AOAH: variants seen among roughly 807,000 people sequenced by gnomAD.
AOAH encodes the protein acyloxyacyl hydrolase.
In AOAH, 64 loss-of-function variants were observed where a neutral mutation model predicts 92.2. The ratio of observed to expected loss-of-function variants is 0.69; its 90% CI spans 0.57 to 0.86. The LOEUF is 0.86. AOAH is among the 40% of genes least tolerant of loss of function. AOAH has a pLI of 0.00. For missense variants in AOAH, 656 were observed against 694.6 expected (o/e 0.94, Z 0.62); for synonymous variants, 263 against 254.5 (o/e 1.03, Z -0.32).
At chr7:36,601,708 A>G (rs1188868171) in intron 11 of AOAH, among the ~76,000 whole-genome samples, 1 of 152,228 alleles carries the variant, frequency 6.6e-6, no homozygotes, top group Non-Finnish European at 1.5e-5. Context: ...CTGTGTCAGC[A>G]CATAGAAGGG....
At chr7:36,626,676 C>T (rs185470057) in intron 6 of AOAH, among the ~76,000 whole-genome samples, 81 of 152,234 alleles carry the variant, frequency 5.3e-4, no homozygotes, top group Non-Finnish European at 9.0e-4. Context: ...CAAGAGGTGC[C>T]AGGGATAGCA....
intron 13 of AOAH, among the ~76,000 whole-genome samples, chr7:36,564,281 A>C (rs1015422901): frequency 1.3e-5 from 2 of 152,208 alleles, no homozygotes; most frequent in Admixed American, 1.3e-4. Context: ...TCTTATGTCC[A>C]GAGGCCTCAA....
At chr7:36,530,791 A>G (rs1055277629) in intron 18 of AOAH, 2 of 302,860 alleles carry the variant, frequency 6.6e-6, no homozygotes, top group African/African-American at 4.3e-5. Context: ...GATAACCATG[A>G]TATTGAATGT....
intron 13 of AOAH, among the ~76,000 whole-genome samples, chr7:36,562,815 A>T (rs543676366): frequency 1.3e-5 from 2 of 152,228 alleles, no homozygotes; most frequent in Non-Finnish European, 2.9e-5. Context: ...CTTCCTAAAA[A>T]TTCACTCATG....
At chr7:36,627,533 A>T (rs933830789) in intron 6 of AOAH, among the ~76,000 whole-genome samples, 1 of 149,190 alleles carries the variant, frequency 6.7e-6, no homozygotes, top group African/African-American at 2.5e-5. Flanking sequence ...TTTCTTAGAC[A>T]TGGAAAGCAC....
In AOAH at chr7:36,513,254, A is replaced by C; in HGVS notation, c.1726T>G (p.Ter576GlyextTer18). 6.2e-7 allele frequency: 1 copy of C among 1,614,174 alleles called. No individual in the cohort carries two copies. The highest frequency in any genetic ancestry group is 8.5e-7 in the Non-Finnish European group (1 of 1,180,020). Residue 576 changes from the stop codon to glycine (G), a stop_lost, in exon 21 of 21, where the codon TGA (stop) becomes GGA (glycine). Coordinates refer to ENST00000617537, the MANE Select transcript of AOAH (RefSeq NM_001637.4). ...KQVFGDQGGH* is the reference protein window; with the variant it reads ...KQVFGDQGGHG ...AGGGGTGCATGCTCCTGAGAGGCTC[A>C]GTGCCCGCCTTGGTCTCCAAACACC...
rs186610289 is a variant in AOAH, at chr7:36,698,280, C to T, written c.128-11486G>A. On this transcript the variant is annotated intron_variant, in intron 1 of 20. Coordinates refer to ENST00000617537, the MANE Select transcript of AOAH (RefSeq NM_001637.4). ...TTCCTTTGGGTCTACAGTGATGTCCCGTCTTGTTTTATTCTTGATTTTGAT... is the reference window on the plus strand; with the variant it reads ...TTCCTTTGGGTCTACAGTGATGTCCTGTCTTGTTTTATTCTTGATTTTGAT... 3.9e-4 allele frequency among the ~76,000 whole-genome samples: 59 copies of T among 152,148 alleles called. 1 individual carries two copies. In the East Asian group the frequency reaches 0.011, roughly 28 times the overall value.
intron 5 of AOAH, among the ~76,000 whole-genome samples, chr7:36,634,372 CT>C (rs1442298886): frequency 2.0e-5 from 3 of 152,166 alleles, no homozygotes; most frequent in Non-Finnish European, 4.4e-5. Flanking sequence ...TAGAAAAACA[CT>C]GTGAAAATCC....
intron 15 of AOAH, among the ~76,000 whole-genome samples, chr7:36,546,743 G>T (rs530351314): frequency 2.0e-5 from 3 of 152,202 alleles, no homozygotes; most frequent in Non-Finnish European, 4.4e-5. Context: ...TGCTCTGGGG[G>T]CTGGGGGAGC....
At chr7:36,642,170 G>A (rs781314613) in intron 4 of AOAH, among the ~76,000 whole-genome samples, 1 of 151,800 alleles carries the variant, frequency 6.6e-6, no homozygotes, top group African/African-American at 2.4e-5. Context: ...AAAAGTAATT[G>A]CGGTTTTGCC....
At chr7:36,628,257 T>C (rs992907051) in intron 6 of AOAH, among the ~76,000 whole-genome samples, 7 of 152,172 alleles carry the variant, frequency 4.6e-5, no homozygotes, top group Non-Finnish European at 8.8e-5. Flanking sequence ...TTTCTGCATA[T>C]AGACATTAAA....
At chr7:36,716,150 C>G (rs1368499313) in intron 1 of AOAH, among the ~76,000 whole-genome samples, 8 of 152,052 alleles carry the variant, frequency 5.3e-5, no homozygotes, top group East Asian at 1.9e-4. Flanking sequence ...ACAACCCCAT[C>G]AAAAAGTGGG....
At chr7:36,553,849 ATTTG>A (rs1323788093) in intron 13 of AOAH, among the ~76,000 whole-genome samples, 3 of 152,014 alleles carry the variant, frequency 2.0e-5, no homozygotes, top group Non-Finnish European at 2.9e-5. Flanking sequence ...TTTCTTGTAA[ATTTG>A]TTTGAGTTCA....
chr7:36,589,730 C>T (rs533316202), intron 12 of AOAH, among the ~76,000 whole-genome samples: 2 of 152,312 alleles, frequency 1.3e-5, no homozygotes, highest in South Asian at 4.1e-4. Flanking sequence ...GACTTCCTTT[C>T]ACTCTATCAT....
At chr7:36,531,433 G>A (rs575873803) in intron 18 of AOAH, among the ~76,000 whole-genome samples, 8 of 152,174 alleles carry the variant, frequency 5.3e-5, no homozygotes, top group African/African-American at 1.9e-4. Flanking sequence ...GGCAACCTCC[G>A]CCTCCTGGGT....
intron 20 of AOAH, among the ~76,000 whole-genome samples, chr7:36,520,679 G>A (rs951048476): frequency 3.4e-5 from 5 of 148,848 alleles, no homozygotes; most frequent in Admixed American, 6.7e-5. Flanking sequence ...CACTCCAGCC[G>A]GGGCAACAAG....
intron 12 of AOAH, among the ~76,000 whole-genome samples, chr7:36,592,171 TTTA>T (rs1789789818): frequency 6.6e-6 from 1 of 152,200 alleles, no homozygotes; most frequent in Non-Finnish European, 1.5e-5. Flanking sequence ...TCCAGATACT[TTTA>T]TTGAGAAATG....
At chr7:36,696,641 C>A (rs12536380) in intron 1 of AOAH, among the ~76,000 whole-genome samples, 84,121 of 151,790 alleles carry the variant, frequency 0.55, 23,750 homozygotes, top group East Asian at 0.83. Flanking sequence ...GCGGGTGGAT[C>A]ATGAGGTCAG....
intron 3 of AOAH, among the ~76,000 whole-genome samples, chr7:36,670,085 T>G (rs1208548570): frequency 6.6e-6 from 1 of 152,050 alleles, no homozygotes; most frequent in African/African-American, 2.4e-5. Flanking sequence ...TTTTAACATC[T>G]TGTGGCTCTG....
Sources: allele counts gnomAD v4.1 joint callset (sites outside exome capture counted in the v4.1 genomes callset), GRCh38; gene constraint gnomAD v4.1.1; transcripts MANE v1.5; gene names NCBI Gene and HGNC (gene_info 2026-07-23, HGNC 2026-07-21).